The following SKIC8 variants were observed in gnomAD, a reference collection of about 807,000 sequenced individuals.
SKIC8 encodes SKI8 subunit of superkiller complex.
At chr15:78,285,989 G>T in the SKIC8 span, 1 of 1,487,628 alleles carries the variant, frequency 6.7e-7, no homozygotes, top group South Asian at 1.2e-5. Context: ...TATACAAGAA[G>T]ACTGCTCTCA....
the SKIC8 span, chr15:78,288,925 T>C: frequency 2.2e-6 from 1 of 452,394 alleles, no homozygotes; most frequent in Admixed American, 2.4e-5. Context: ...CACCTTCAAA[T>C]TATCAACAAA....
At chr15:78,286,217 G>A in the SKIC8 span, 2 of 1,213,950 alleles carry the variant, frequency 1.6e-6, no homozygotes, top group Non-Finnish European at 2.3e-6. Context: ...TATTAACTCT[G>A]CCAATAAGCT....
chr15:78,293,346 T>C, the SKIC8 span: 6 of 1,321,088 alleles, frequency 4.5e-6, no homozygotes, highest in Non-Finnish European at 5.4e-6. Flanking sequence ...TGTTCAACAA[T>C]TGTGAGGTAA....
At chr15:78,285,207 G>C in the SKIC8 span, 1 of 1,559,116 alleles carries the variant, frequency 6.4e-7, no homozygotes, top group South Asian at 1.1e-5. Flanking sequence ...AAATCTCTTT[G>C]GTACAATGGT....
At chr15:78,290,016 C>T in the SKIC8 span, 8 of 1,614,014 alleles carry the variant, frequency 5.0e-6, no homozygotes, top group Non-Finnish European at 6.8e-6. Context: ...CCACTTTCCA[C>T]ACCAAAAATG....
At chr15:78,295,047 C>G in the SKIC8 span, 1 of 1,569,200 alleles carries the variant, frequency 6.4e-7, no homozygotes, top group African/African-American at 1.4e-5. Flanking sequence ...AGAAAGCACT[C>G]CTCCCCGAGT....
the SKIC8 span, chr15:78,294,904 T>G: frequency 1.4e-5 from 22 of 1,613,432 alleles, no homozygotes; most frequent in African/African-American, 2.8e-4. Context: ...GACAACACAG[T>G]TTTTTTCACA....
the SKIC8 span, chr15:78,283,327 G>T: frequency 1.2e-6 from 1 of 855,196 alleles, no homozygotes. Flanking sequence ...TTAAGTCTTT[G>T]CTACAATAAA....
the SKIC8 span, chr15:78,292,798 G>A: frequency 2.9e-5 from 47 of 1,611,952 alleles, no homozygotes; most frequent in Non-Finnish European, 3.9e-5. Context: ...CCTTCAACAG[G>A]GGACAGAGAA....
At chr15:78,290,151 A>T in the SKIC8 span, 1 of 1,546,442 alleles carries the variant, frequency 6.5e-7, no homozygotes, top group Non-Finnish European at 8.7e-7. Context: ...CTTGGCCTTA[A>T]TTTTAAAAAC....
the SKIC8 span, chr15:78,295,580 G>A: frequency 8.4e-6 from 13 of 1,550,074 alleles, no homozygotes; most frequent in Admixed American, 5.0e-5. Flanking sequence ...GCAAGAATGA[G>A]ATGCTAGTTT....
the SKIC8 span, chr15:78,286,254 AC>A: frequency 1.3e-6 from 1 of 743,928 alleles, no homozygotes; most frequent in Non-Finnish European, 2.2e-6. Context: ...CCTTATAATG[AC>A]CATGAATACT....
chr15:78,288,400 C>T, the SKIC8 span: 2 of 1,612,022 alleles, frequency 1.2e-6, no homozygotes, highest in African/African-American at 2.7e-5. Flanking sequence ...TCATAAAGGC[C>T]CTTGTTAATC....
At chr15:78,291,863 C>G in the SKIC8 span, 1 of 152,198 alleles carries the variant, frequency 6.6e-6, no homozygotes, top group African/African-American at 2.4e-5. Context: ...CAGTTACCAC[C>G]CATTCTGGCA....
the SKIC8 span, chr15:78,294,752 A>G: frequency 1.9e-6 from 1 of 529,848 alleles, no homozygotes; most frequent in Non-Finnish European, 3.2e-6. Context: ...TTTTTTTTTT[A>G]GCTGGTTGTT....
the SKIC8 span, among the ~76,000 whole-genome samples, chr15:78,287,368 C>T: frequency 6.6e-6 from 1 of 152,148 alleles, no homozygotes; most frequent in Non-Finnish European, 1.5e-5. Flanking sequence ...TAGCTGATAA[C>T]CTTTTGCCAG....
the SKIC8 span, chr15:78,285,000 G>A: frequency 2.3e-6 from 1 of 431,370 alleles, no homozygotes; most frequent in South Asian, 4.7e-5. Flanking sequence ...GCATTTAAAG[G>A]CTGTGGGGCT....
the SKIC8 span, among the ~76,000 whole-genome samples, chr15:78,294,018 A>G: frequency 6.6e-6 from 1 of 152,228 alleles, no homozygotes; most frequent in Non-Finnish European, 1.5e-5. Flanking sequence ...ACAATTCTCC[A>G]GCGATACCTT....
At chr15:78,288,166 G>A in the SKIC8 span, 4 of 969,080 alleles carry the variant, frequency 4.1e-6, no homozygotes, top group African/African-American at 1.6e-5. Flanking sequence ...CGCCTGGGGA[G>A]TCAAGGTGTC....
Sources: gnomAD v4.1 joint callset for allele counts (sites outside exome capture counted in the v4.1 genomes callset) on GRCh38, gnomAD v4.1.1 for gene constraint, MANE v1.5 for transcripts, NCBI Gene and HGNC (gene_info 2026-07-23, HGNC 2026-07-21) for gene names.